Variants in RAB37 observed in about 807,000 individuals in gnomAD.
RAB37 encodes RAB37, member RAS oncogene family, also known as ras-related protein Rab-37.
RAB37 carries 29 observed loss-of-function variants against 33.1 expected under a neutral mutation model. The ratio of observed to expected loss-of-function variants is 0.88; its 90% CI spans 0.65 to 1.20. The LOEUF (loss-of-function observed/expected upper bound fraction) is 1.20, where lower values mean the gene tolerates loss of function less well. Among genes scored for constraint, RAB37 ranks in the 50% most tolerant of loss-of-function variants. RAB37 has a pLI of 0.00. For synonymous variants in RAB37, 128 were observed against 119.5 expected (o/e 1.07, Z -0.47); for missense variants, 299 against 301.1 (o/e 0.99, Z 0.05).
chr17:74,696,019 C>T (rs907448152), intron 1 of RAB37, among the ~76,000 whole-genome samples: 1 of 152,184 alleles, frequency 6.6e-6, no homozygotes, highest in Admixed American at 6.5e-5. Flanking sequence ...ACCCCTCAGC[C>T]CTTGTCCCCC....
chr17:74,743,456 C>T, intron 5 of RAB37, 116 bp downstream of exon 5: 1 of 989,082 alleles, frequency 1.0e-6, no homozygotes, highest in Non-Finnish European at 1.6e-6. Context: ...CTCCTGCCTT[C>T]TGAAAAACAC....
In RAB37 at chr17:74,718,316, CATCATATCATATCATATCAT is replaced by C. The variant is rs57513588; in HGVS notation, c.73-10911_73-10892del. Among the ~76,000 whole-genome samples the C allele has an allele frequency of 1.7e-3, 250 of 147,702 alleles. 1 individual carries two copies. Among genetic ancestry groups the C allele is most frequent in the African/African-American group, 4.7e-3 (188 of 39,942 alleles). On this transcript the variant is annotated intron_variant, in intron 1 of 7. Transcript: ENST00000340415. ...CTCTAAAACATCATATCATATCATA[CATCATATCATATCATATCAT>C]ATCATATCATATCATATCATATCAT...
Position 74,695,223 on chromosome 17 carries a change from T to C in RAB37, c.72+23565T>C, listed in dbSNP as rs750255792. ...CTCAGCACCCAAGGTCAGAGATGCA[T>C]AGGAAATGTCCTCCTTCGGCAAGGA... On this transcript the variant is annotated intron_variant, in intron 1 of 7. Transcript: ENST00000340415. The C allele has an allele frequency of 9.3e-6, 15 of 1,614,048 alleles. No homozygotes were observed. The highest frequency in any genetic ancestry group is 1.3e-5 in the Non-Finnish European group (15 of 1,180,000).
At chr17:74,722,715 A>G (rs574131825) in intron 1 of RAB37, among the ~76,000 whole-genome samples, 4 of 152,304 alleles carry the variant, frequency 2.6e-5, no homozygotes, top group Non-Finnish European at 5.9e-5. Flanking sequence ...AGCTCTCCTT[A>G]TATGAGGGAT....
intron 1 of RAB37, chr17:74,705,246 G>A: frequency 1.4e-6 from 1 of 702,290 alleles, no homozygotes; most frequent in Non-Finnish European, 2.6e-6. Flanking sequence ...TCGAGCTGAG[G>A]CAGCCACATC....
chr17:74,736,980 G>A (rs1226631070), upstream of RAB37: 2 of 1,572,146 alleles, frequency 1.3e-6, no homozygotes, highest in South Asian at 1.2e-5. Context: ...GGGCAAGCAA[G>A]CGACCACAGG....
Position 74,705,160 on chromosome 17 carries a change from G to A in RAB37, c.73-24096G>A, listed in dbSNP as rs1012946087. ...AGCCATCTTTGTGTTAGTCCAGTGTGGTGGGGAGGAAATACCAGGAGACCC... is the reference window on the plus strand; with the variant it reads ...AGCCATCTTTGTGTTAGTCCAGTGTAGTGGGGAGGAAATACCAGGAGACCC... On this transcript the variant is annotated intron_variant, in intron 1 of 7. Transcript: ENST00000340415. 1.0e-5 allele frequency: 7 copies of A among 692,046 alleles called. No individual in the cohort carries two copies. The African/African-American group carries it at 1.2e-4, about 12-fold the overall frequency. The allele number at this position is 692,046 out of a possible 1,614,324, so 42.9% of individuals were successfully genotyped here.
Position 74,738,185 on chromosome 17 carries a change from T to C in RAB37, c.93+820T>C, listed in dbSNP as rs1373421830. ...GAGCTTCCACTCTTCCTCTGCAGGG[T>C]TGGGGATGGAGTGAGGGCTGTCCTG... On this transcript the variant is annotated intron_variant, in intron 1 of 8. Transcript: ENST00000392613. The surrounding 1 kb of genome is among the most constrained non-coding windows in gnomAD (Gnocchi z 5.0). Among the ~76,000 whole-genome samples, 1 of 151,904 alleles carries C rather than the reference T, an allele frequency of 6.6e-6. No homozygotes were observed. The highest frequency in any genetic ancestry group is 1.5e-5 in the Non-Finnish European group (1 of 67,978).
At chr17:74,686,958 G>T (rs139613336) in intron 1 of RAB37, among the ~76,000 whole-genome samples, 1 of 152,200 alleles carries the variant, frequency 6.6e-6, no homozygotes, top group African/African-American at 2.4e-5. Flanking sequence ...CTTCTTTGTC[G>T]TGGAAACCCT....
intron 1 of RAB37, among the ~76,000 whole-genome samples, chr17:74,724,879 C>T (rs560821732): frequency 3.5e-4 from 54 of 152,208 alleles, no homozygotes; most frequent in Non-Finnish European, 6.8e-4. Context: ...TGGATGTATA[C>T]GTGCAGGTCA....
intron 1 of RAB37, among the ~76,000 whole-genome samples, chr17:74,725,197 C>G (rs1358302534): frequency 6.6e-6 from 1 of 152,074 alleles, no homozygotes; most frequent in Admixed American, 6.6e-5. Context: ...TGTCCCCAGC[C>G]CCCCACCCAC....
At chr17:74,677,152 C>T (rs1424182146) in intron 1 of RAB37, among the ~76,000 whole-genome samples, 1 of 151,528 alleles carries the variant, frequency 6.6e-6, no homozygotes, top group Non-Finnish European at 1.5e-5. Context: ...TCTGTCCCCC[C>T]ACAAAAAAAA....
intron 1 of RAB37, among the ~76,000 whole-genome samples, chr17:74,718,573 A>G (rs1028201768): frequency 1.3e-5 from 2 of 150,738 alleles, no homozygotes; most frequent in East Asian, 2.1e-4. Flanking sequence ...ATGTATTTGG[A>G]AAAAAAAACA....
chr17:74,676,626 A>G lies in RAB37; in HGVS notation c.72+4968A>G, dbSNP rs2031839029. Reference sequence around the variant, plus strand: ...TTCATTCAGCAAACATGCATTGGACATTTCCAAAGCGTAAAGAACTAGGCT... The same window carrying G: ...TTCATTCAGCAAACATGCATTGGACGTTTCCAAAGCGTAAAGAACTAGGCT... On this transcript the variant is annotated intron_variant, in intron 1 of 7. Coordinates refer to the RAB37 transcript ENST00000340415. The surrounding 1 kb of genome is among the most constrained non-coding windows in gnomAD (Gnocchi z 4.1). Among the ~76,000 whole-genome samples the G allele has an allele frequency of 2.0e-5, 3 of 152,208 alleles. No homozygotes were observed. The highest frequency in any genetic ancestry group is 2.0e-4 in the Admixed American group (3 of 15,280).
At chr17:74,691,644 T>G (rs527779527) in intron 1 of RAB37, among the ~76,000 whole-genome samples, 4 of 152,326 alleles carry the variant, frequency 2.6e-5, no homozygotes, top group East Asian at 3.9e-4. Context: ...GTCTTCCCTG[T>G]GCGTCTAGCT....
chr17:74,745,005 C>A lies in RAB37; in HGVS notation c.490-3C>A. 1 of 1,614,272 alleles carries A rather than the reference C, an allele frequency of 6.2e-7. No individual in the cohort carries two copies. Among genetic ancestry groups the A allele is most frequent in the South Asian group, 1.1e-5 (1 of 91,092 alleles). ...GGCCCTGAGGACACTCTCTCCCGGG[C>A]AGGAGTACGGTGTTCCCTTCCTGGA... On this transcript the variant is annotated splice_polypyrimidine_tract_variant and splice_region_variant and intron_variant, in intron 7 of 8. Coordinates refer to ENST00000392613, the MANE Select transcript of RAB37 (RefSeq NM_001006638.3). The surrounding 1 kb of genome is among the most constrained non-coding windows in gnomAD (Gnocchi z 4.5).
Position 74,738,254 on chromosome 17 carries a change from C to A in RAB37, c.93+889C>A, listed in dbSNP as rs572280688. Reference sequence around the variant, plus strand: ...TGAAGGAGACCTGCCTCTCTCTGGGCCTCGGTTTCCTCCCCGACACCAGGG... The same window carrying A: ...TGAAGGAGACCTGCCTCTCTCTGGGACTCGGTTTCCTCCCCGACACCAGGG... On this transcript the variant is annotated intron_variant, in intron 1 of 8. Transcript: ENST00000392613. The surrounding 1 kb of genome is among the most constrained non-coding windows in gnomAD (Gnocchi z 5.0). 6.6e-5 allele frequency among the ~76,000 whole-genome samples: 10 copies of A among 152,296 alleles called. No homozygotes were observed. Among genetic ancestry groups the A allele is most frequent in the African/African-American group, 2.4e-4 (10 of 41,570 alleles).
intron 1 of RAB37, among the ~76,000 whole-genome samples, chr17:74,674,621 T>G (rs2031782996): frequency 6.6e-6 from 1 of 152,032 alleles, no homozygotes; most frequent in Non-Finnish European, 1.5e-5. Context: ...GAGACTGCAG[T>G]GAGCCAAGAT....
Position 74,730,604 on chromosome 17 carries a change from A to T in RAB37, c.183+1238A>T, listed in dbSNP as rs1320921741. Among the ~76,000 whole-genome samples, 1 of 152,152 alleles carries T rather than the reference A, an allele frequency of 6.6e-6. No homozygotes were observed. Among genetic ancestry groups the T allele is most frequent in the African/African-American group, 2.4e-5 (1 of 41,442 alleles). On this transcript the variant is annotated intron_variant, in intron 2 of 7. Coordinates refer to the RAB37 transcript ENST00000340415. This position sits in a 1 kb window ranked among gnomAD's most constrained non-coding sequence, Gnocchi z 4.4. ...ACCCAGGAGGCCAAGGCTACCTGGC[A>T]ATCCCTGAGGTCTGGGACCAGGCTG...
Sources: allele counts gnomAD v4.1 joint callset (sites outside exome capture counted in the v4.1 genomes callset), GRCh38; gene constraint gnomAD v4.1.1; non-coding constraint Gnocchi (gnomAD v3.1); transcripts MANE v1.5; gene names NCBI Gene and HGNC (gene_info 2026-07-23, HGNC 2026-07-21).